The following QSER1 variants were observed in gnomAD, a reference collection of about 807,000 sequenced individuals.
QSER1 encodes the protein glutamine and serine-rich protein 1.
Under a neutral mutation model 158.5 loss-of-function variants are expected in QSER1, and 49 were observed. That is an observed-to-expected ratio of 0.31 (90% CI 0.25 to 0.39). QSER1 has a LOEUF of 0.39. QSER1 is among the 10% of genes least tolerant of loss of function. QSER1 has a pLI of 1.00. For synonymous variants in QSER1, 650 were observed against 715.5 expected, an observed-to-expected ratio of 0.91 and a Z score of 1.46; for missense variants, 1,754 against 2,010.3, an observed-to-expected ratio of 0.87 and a Z score of 2.44.
At chr11:32,923,902 A>T (rs1304713105) in intron 1 of QSER1, among the ~76,000 whole-genome samples, 2 of 152,196 alleles carry the variant, frequency 1.3e-5, no homozygotes, top group Non-Finnish European at 2.9e-5. Context: ...CGGAAAGTGG[A>T]GGTTGCAGTG....
intron 3 of QSER1, among the ~76,000 whole-genome samples, chr11:32,928,652 C>T (rs557987855): frequency 4.6e-4 from 70 of 152,118 alleles, no homozygotes; most frequent in African/African-American, 1.5e-3. Flanking sequence ...ACTTTTCAAC[C>T]GTTTCTCATC....
At chr11:32,963,564 G>A (rs1034205980) in intron 8 of QSER1, among the ~76,000 whole-genome samples, 1 of 152,030 alleles carries the variant, frequency 6.6e-6, no homozygotes, top group Admixed American at 6.6e-5. Flanking sequence ...TGTTGGCCAG[G>A]TTGGTCTTGA....
rs1399878722 is a variant in QSER1 at position 32,954,061 on chromosome 11, A to G, written c.4382A>G (p.Gln1461Arg). The change falls in exon 5 of 13, where the codon CAG becomes CGG. Residue 1461 changes from glutamine (Q) to arginine (R), a missense_variant. By Grantham distance (43) the Gln-to-Arg change is conservative. This residue lies in a region of QSER1 where 1,707 missense variants were observed against 1,919.6 expected (regional missense o/e 0.89). Coordinates refer to ENST00000650167, the MANE Select transcript of QSER1 (RefSeq NM_001076786.3). ...GLPSDQFAKG[Q>R]DTVAIEGFTD... ...CCTTCAGACCAGTTTGCAAAAGGAC[A>G]GGACACTGTTGCCATAGAAGGTTTT... 3 of 1,614,206 alleles carry G rather than the reference A, an allele frequency of 1.9e-6. No homozygotes were observed. The highest frequency in any genetic ancestry group is 2.5e-6 in the Non-Finnish European group (3 of 1,180,046).
In QSER1 at chr11:32,973,453, G is replaced by T; in HGVS notation, c.5262G>T (p.Lys1754Asn). 6.2e-7 allele frequency: 1 copy of T among 1,613,858 alleles called. No homozygotes were observed. Among genetic ancestry groups the T allele is most frequent in the Admixed American group, 1.7e-5 (1 of 59,996 alleles). The change falls in exon 11 of 13, where the codon AAG becomes AAT. Residue 1754 changes from lysine (K) to asparagine (N), a missense_variant. Lys to Asn is a moderately conservative substitution (Grantham distance 94). This residue lies in a region of QSER1 where 1,707 missense variants were observed against 1,919.6 expected (regional missense o/e 0.89). Coordinates refer to ENST00000650167, the MANE Select transcript of QSER1 (RefSeq NM_001076786.3). ...LTIITRDSKA[K>N]SGGTAISKIK... ...TAATTACTCGAGATTCTAAAGCAAA[G>T]AGTGGAGGAACTGCTATTTCTAAAA...
At chr11:32,909,721 C>T (rs774734253) in intron 1 of QSER1, among the ~76,000 whole-genome samples, 1 of 152,116 alleles carries the variant, frequency 6.6e-6, no homozygotes, top group African/African-American at 2.4e-5. Context: ...GGATTACAGG[C>T]GTGAGCCACT....
At chr11:32,903,591 T>C (rs572079406) in intron 1 of QSER1, among the ~76,000 whole-genome samples, 2 of 151,114 alleles carry the variant, frequency 1.3e-5, no homozygotes, top group Non-Finnish European at 2.9e-5. Context: ...CTTCAGTAAG[T>C]TTTTTATTTG....
chr11:32,934,122 AGTTT>A lies in QSER1; in HGVS notation c.2869_2872del (p.Val957LeufsTer23). The A allele has an allele frequency of 6.2e-7, 1 of 1,613,986 alleles. No individual in the cohort carries two copies. On this transcript the variant is annotated frameshift_variant, in exon 4 of 13. Transcript: ENST00000650167. LOFTEE classifies it high-confidence loss of function. ...ACAAATCAACATGATTCAAAGAATC[AGTTT>A]GTTTCTCTTGGATCGATGTGTTTCC...
At chr11:32,895,853 A>G (rs542955244) in intron 1 of QSER1, among the ~76,000 whole-genome samples, 1 of 152,286 alleles carries the variant, frequency 6.6e-6, no homozygotes, top group South Asian at 2.1e-4. Flanking sequence ...TTGAAACAAT[A>G]CTTTTTTGAA....
At chr11:32,917,844 A>AAAC (rs1554925345) in intron 1 of QSER1, among the ~76,000 whole-genome samples, 1 of 150,306 alleles carries the variant, frequency 6.7e-6, no homozygotes, top group African/African-American at 2.4e-5. Context: ...AAAAAAAAAA[A>AAAC]CCAGCATTTC....
At chr11:32,943,267 T>C (rs1359731360) in intron 4 of QSER1, among the ~76,000 whole-genome samples, 1 of 149,934 alleles carries the variant, frequency 6.7e-6, no homozygotes. Flanking sequence ...CTTCCAACAC[T>C]ATGTTGAATA....
Position 32,966,390 on chromosome 11 carries a change from G to A in QSER1, c.5060G>A (p.Ser1687Asn). Reference sequence around the variant, plus strand: ...AAGAGCTACATGGAATTGCTTGTTAGCATTGCCTTGGACCCTGACACAATG... The same window carrying A: ...AAGAGCTACATGGAATTGCTTGTTAACATTGCCTTGGACCCTGACACAATG... ...TFKSYMELLV[S>N]IALDPDTMQA... Residue 1687 changes from serine (S) to asparagine (N), a missense_variant, in exon 9 of 13, where the codon AGC (serine) becomes AAC (asparagine). By Grantham distance (46) the Ser-to-Asn change is conservative. Transcript: ENST00000650167. The A allele has an allele frequency of 6.2e-7, 1 of 1,614,002 alleles. No homozygotes were observed.
rs148308822 is a variant in QSER1 at position 32,939,805 on chromosome 11, C to T, written c.4177+4370C>T. 2.7e-3 allele frequency among the ~76,000 whole-genome samples: 413 copies of T among 152,190 alleles called. 2 individuals are homozygous for T. Among genetic ancestry groups the T allele is most frequent in the African/African-American group, 9.5e-3 (393 of 41,526 alleles). ...TTTGGTCTGTCTTACACTTGTGCAT[C>T]CTAGGTATGAAACGCTGATTTGTGT... On this transcript the variant is annotated intron_variant, in intron 4 of 12. Coordinates refer to ENST00000650167, the MANE Select transcript of QSER1 (RefSeq NM_001076786.3).
At chr11:32,965,274 T>C (rs1481990685) in intron 8 of QSER1, among the ~76,000 whole-genome samples, 1 of 151,598 alleles carries the variant, frequency 6.6e-6, no homozygotes, top group Non-Finnish European at 1.5e-5. Context: ...ACCACACACG[T>C]GGCTAATTTA....
At position 32,978,789 on chromosome 11, in the gene QSER1, G is replaced by GA; in HGVS notation, c.*2315_*2316insA. On this transcript the variant is annotated 3_prime_UTR_variant, in exon 13 of 13. Transcript: ENST00000650167. The stretch of plus-strand genomic sequence containing the variant: ...TCTCTCATTTGATCCATAGAGCATA[G>GA]GCAAAGATGTCAACCTCAGGCCTTA... 1 of 152,320 alleles carries GA rather than the reference G, an allele frequency of 6.6e-6. No individual in the cohort carries two copies. The highest frequency in any genetic ancestry group is 1.9e-4 in the East Asian group (1 of 5,192). The allele number at this position is 152,320 out of a possible 1,614,324, so 9.4% of individuals were successfully genotyped here.
chr11:32,958,184 A>G (rs1470826090), intron 8 of QSER1, 98 bp downstream of exon 8: 1 of 989,092 alleles, frequency 1.0e-6, no homozygotes, highest in African/African-American at 1.6e-5. Flanking sequence ...TTTACTTTTC[A>G]GGGAATTTAT....
intron 1 of QSER1, among the ~76,000 whole-genome samples, chr11:32,913,517 T>C (rs1403477004): frequency 6.6e-6 from 1 of 152,164 alleles, no homozygotes; most frequent in Non-Finnish European, 1.5e-5. Flanking sequence ...TAATACTCAG[T>C]TGTCATGTCC....
rs761428079 is a variant in QSER1, at chr11:32,934,791, C to T, written c.3533C>T (p.Ala1178Val). ...AGTGCACTTGCACTGTTGGCCATGG[C>T]CCAATCTGGGGATGCAGTCAGTGTC... ...ARSALALLAM[A>V]QSGDAVSVKI... Residue 1178 changes from alanine (A) to valine (V), a missense_variant, in exon 4 of 13, where the codon GCC (alanine) becomes GTC (valine). This residue lies in a region of QSER1 where 1,707 missense variants were observed against 1,919.6 expected (regional missense o/e 0.89). Coordinates refer to ENST00000650167, the MANE Select transcript of QSER1 (RefSeq NM_001076786.3). 2.5e-5 allele frequency: 40 copies of T among 1,613,976 alleles called. No homozygotes were observed. The Admixed American group carries it at 6.7e-4, about 27-fold the overall frequency.
chr11:32,943,351 T>G (rs1852272615), intron 4 of QSER1, among the ~76,000 whole-genome samples: 1 of 149,340 alleles, frequency 6.7e-6, no homozygotes, highest in African/African-American at 2.5e-5. Flanking sequence ...GCCCATTCAG[T>G]ATGATATTGG....
chr11:32,913,179 C>CTTTTTTTTTT (rs61685246), intron 1 of QSER1, among the ~76,000 whole-genome samples: 2 of 54,354 alleles, frequency 3.7e-5, no homozygotes. Flanking sequence ...TCTCCTCTTC[C>CTTTTTTTTTT]TTTTTTTTTT....
Sources: gnomAD v4.1 joint callset for allele counts (sites outside exome capture counted in the v4.1 genomes callset) on GRCh38, gnomAD v4.1.1 for gene constraint, gnomAD v4.1.1 regional missense constraint, MANE v1.5 for transcripts, NCBI Gene and HGNC (gene_info 2026-07-23, HGNC 2026-07-21) for gene names.